The following HUWE1 variants were observed in gnomAD, a reference collection of about 807,000 sequenced individuals.
HUWE1 encodes the protein HECT, UBA and WWE domain containing E3 ubiquitin protein ligase 1.
HUWE1 carries 18 observed loss-of-function variants against 299.4 expected under a neutral mutation model. The ratio of observed to expected loss-of-function variants is 0.06; its 90% CI spans 0.04 to 0.09. HUWE1 has a LOEUF of 0.09. Ranked by LOEUF, HUWE1 falls within the 10% of genes least tolerant of loss-of-function variation. The pLI is 1.00. For missense variants in HUWE1, 1,832 were observed against 3,462.3 expected, an observed-to-expected ratio of 0.53 and a Z score of 11.82; for synonymous variants, 1,317 against 1,286.1, an observed-to-expected ratio of 1.02 and a Z score of -0.51.
At chrX:53,661,314 G>T (rs868960129) in intron 3 of HUWE1, among the ~76,000 whole-genome samples, 1 of 112,265 alleles carries the variant, frequency 8.9e-6, no homozygotes, top group African/African-American at 3.2e-5. Context: ...GATTACAGGC[G>T]TGAGCCACGG....
At position 53,557,431 on chromosome X, in the gene HUWE1, C is replaced by T. The variant is rs782705832; in HGVS notation, c.8161-4G>A. On this transcript the variant is annotated splice_region_variant and splice_polypyrimidine_tract_variant and intron_variant, in intron 59 of 83. Transcript: ENST00000262854. ...CATTTGACTTAGATGCAGTACACTGCAAAAAGAAGGGATAGACCAATGTGG... is the reference window on the plus strand; with the variant it reads ...CATTTGACTTAGATGCAGTACACTGTAAAAAGAAGGGATAGACCAATGTGG... 3.3e-6 allele frequency: 4 copies of T among 1,202,179 alleles called. No homozygotes were observed. Among genetic ancestry groups the T allele is most frequent in the Non-Finnish European group, 4.5e-6 (4 of 888,363 alleles).
At chrX:53,559,309 T>C (rs1602647376) in intron 57 of HUWE1, 45 bp downstream of exon 57, 1 of 1,171,237 alleles carries the variant, frequency 8.5e-7, no homozygotes. Flanking sequence ...AGGGAAAAAG[T>C]AGAATCTGAC....
intron 7 of HUWE1, among the ~76,000 whole-genome samples, chrX:53,643,849 G>A (rs1417965600): frequency 3.6e-5 from 4 of 111,308 alleles, no homozygotes; most frequent in East Asian, 2.8e-4. Context: ...ACAGAGTCTC[G>A]GTCTCACTCT....
intron 24 of HUWE1, 116 bp downstream of exon 24, chrX:53,608,736 C>T: frequency 1.7e-6 from 1 of 572,022 alleles, no homozygotes; most frequent in Non-Finnish European, 3.2e-6. Context: ...TCTTTCCCCT[C>T]TTAATTGGAT....
rs367935590 is a variant in HUWE1, at chrX:53,548,203, T to C, written c.10106A>G (p.Asn3369Ser). 40 of 1,208,646 alleles carry C rather than the reference T, an allele frequency of 3.3e-5. No homozygotes were observed. Among genetic ancestry groups the C allele is most frequent in the African/African-American group, 5.2e-5 (3 of 57,352 alleles). Residue 3369 changes from asparagine to serine, a missense_variant, in exon 68 of 84, where the codon AAT becomes AGT. Physicochemically the swap from Asn to Ser is conservative, Grantham distance 46. Transcript: ENST00000262854. The part of the protein sequence containing the change: ...TNCESDRERG[N>S]KACSPCSSQS... ...TGAGGAGCATGGGCTACAGGCCTTA[T>C]TGCCCCTTTCCCGATCACTCTCACA...
intron 80 of HUWE1, chrX:53,535,922 GTTTTTTTTT>G (rs34675759): frequency 2.4e-5 from 4 of 166,909 alleles, no homozygotes; most frequent in African/African-American, 1.6e-4. Context: ...ATGTACTGGA[GTTTTTTTTT>G]TTTTTTTTTT....
Position 53,544,886 on chromosome X carries a change from G to C in HUWE1, c.11049-124C>G, listed in dbSNP as rs1461626000. Reference sequence around the variant, plus strand: ...ACTCAGAAGGAAATCTTCCAAGTAGGAAGTAGAAAAAAATGGGTCAAGTGT... The same window carrying C: ...ACTCAGAAGGAAATCTTCCAAGTAGCAAGTAGAAAAAAATGGGTCAAGTGT... On this transcript the variant is annotated intron_variant, in intron 71 of 83. Coordinates refer to ENST00000262854, the MANE Select transcript of HUWE1 (RefSeq NM_031407.7). The C allele has an allele frequency of 3.3e-6, 3 of 900,612 alleles. No individual in the cohort carries two copies. In the African/African-American group the frequency reaches 5.9e-5, roughly 18 times the overall value. 74.2% of individuals were successfully genotyped at this position (900,612 alleles called of 1,213,427 possible).
At chrX:53,619,287 C>T (rs868953296) in intron 19 of HUWE1, among the ~76,000 whole-genome samples, 1 of 111,088 alleles carries the variant, frequency 9.0e-6, no homozygotes, top group African/African-American at 3.3e-5. Flanking sequence ...ACACTCCCCT[C>T]GATTGACTTA....
intron 49 of HUWE1, among the ~76,000 whole-genome samples, chrX:53,566,091 CTATG>C (rs1212034242): frequency 2.5e-5 from 2 of 79,064 alleles, no homozygotes; most frequent in Admixed American, 1.6e-4. Context: ...ATGTGTGAGT[CTATG>C]TATGTATGTA....
chrX:53,538,748 TCTCTC>T (rs879968235), intron 76 of HUWE1, 82 bp downstream of exon 76: 320 of 913,835 alleles, frequency 3.5e-4, no homozygotes, highest in South Asian at 1.7e-3. Context: ...TCTCTCTCTC[TCTCTC>T]ATCAACTAAG....
chrX:53,639,109 A>T (rs1213579983), intron 7 of HUWE1, among the ~76,000 whole-genome samples: 2 of 112,553 alleles, frequency 1.8e-5, no homozygotes, highest in Non-Finnish European at 3.8e-5. Context: ...GGGAAAAAAT[A>T]CTTTTAAGAT....
intron 23 of HUWE1, among the ~76,000 whole-genome samples, chrX:53,609,899 C>A (rs1557000558): frequency 9.0e-6 from 1 of 111,472 alleles, no homozygotes; most frequent in African/African-American, 3.3e-5. Flanking sequence ...GAACATTTGG[C>A]AGCAGAATAT....
chrX:53,608,945 T>G (rs1179114827), intron 23 of HUWE1, 36 bp from the exon 24 acceptor site: 2 of 809,820 alleles, frequency 2.5e-6, no homozygotes, highest in African/African-American at 4.0e-5. Flanking sequence ...ACACAGAAAT[T>G]CACAATACCA....
chrX:53,589,505 C>T (rs781904955), intron 36 of HUWE1, 42 bp downstream of exon 36: 6 of 1,186,806 alleles, frequency 5.1e-6, no homozygotes, highest in Non-Finnish European at 6.9e-6. Context: ...GGCAGGCAAA[C>T]CACTTCACAT....
chrX:53,625,366 T>C lies in HUWE1; in HGVS notation c.1490-108A>G. On this transcript the variant is annotated intron_variant, in intron 17 of 83. Coordinates refer to ENST00000262854, the MANE Select transcript of HUWE1 (RefSeq NM_031407.7). ...AGATCCAAATACACTATAATAAAATTAGAAGACATTCGAAGTGAGGTCTCT... is the reference window on the plus strand; with the variant it reads ...AGATCCAAATACACTATAATAAAATCAGAAGACATTCGAAGTGAGGTCTCT... 7 of 537,096 alleles carry C rather than the reference T, an allele frequency of 1.3e-5. No individual in the cohort carries two copies. In the South Asian group the frequency reaches 1.9e-4, roughly 14 times the overall value. 44.3% of individuals were successfully genotyped at this position (537,096 alleles called of 1,213,427 possible). A position where few individuals can be genotyped will look rare whatever the true frequency, so the allele number is the denominator to read the frequency against.
chrX:53,651,096 C>A (rs782714039), intron 4 of HUWE1, among the ~76,000 whole-genome samples: 2 of 111,101 alleles, frequency 1.8e-5, no homozygotes, highest in African/African-American at 6.6e-5. Context: ...ATTAACTACA[C>A]TGGGTTACAA....
At chrX:53,546,215 G>A (rs1036238896) in intron 70 of HUWE1, among the ~76,000 whole-genome samples, 1 of 111,007 alleles carries the variant, frequency 9.0e-6, no homozygotes, top group Non-Finnish European at 1.9e-5. Context: ...CGGGCAGCGG[G>A]GATGAGGAGA....
At chrX:53,670,730 C>A (rs1419995769) in intron 3 of HUWE1, among the ~76,000 whole-genome samples, 1 of 111,815 alleles carries the variant, frequency 8.9e-6, no homozygotes, top group Admixed American at 9.5e-5. Flanking sequence ...GGGGCCTGGA[C>A]TCCAGATTGG....
chrX:53,676,362 G>C (rs2069822513), intron 3 of HUWE1, among the ~76,000 whole-genome samples: 1 of 111,162 alleles, frequency 9.0e-6, no homozygotes, highest in Non-Finnish European at 1.9e-5. Context: ...CCCAAATCCG[G>C]AACTGCCTGG....
Sources: gnomAD v4.1 joint callset for allele counts (sites outside exome capture counted in the v4.1 genomes callset) on GRCh38, gnomAD v4.1.1 for gene constraint, MANE v1.5 for transcripts, NCBI Gene and HGNC (gene_info 2026-07-23, HGNC 2026-07-21) for gene names.